MAP3K5: variants seen among roughly 807,000 people sequenced by gnomAD.
MAP3K5 encodes the protein ASK-1.
MAP3K5 carries 56 observed loss-of-function variants against 158.7 expected under a neutral mutation model. The ratio of observed to expected loss-of-function variants is 0.35; its 90% CI spans 0.28 to 0.44. The LOEUF (loss-of-function observed/expected upper bound fraction) is 0.44, where lower values mean the gene tolerates loss of function less well. MAP3K5 is among the 20% of genes least tolerant of loss of function. The pLI is 1.00. For missense variants in MAP3K5, 1,294 were observed against 1,674.8 expected, an observed-to-expected ratio of 0.77 and a Z score of 3.97; for synonymous variants, 579 against 601.7, an observed-to-expected ratio of 0.96 and a Z score of 0.55.
intron 20 of MAP3K5, 26 bp from the exon 21 acceptor site, chr6:136,601,068 T>C (rs760576243): frequency 3.1e-6 from 5 of 1,613,142 alleles, no homozygotes; most frequent in East Asian, 2.2e-5. Flanking sequence ...CAAACAGCCA[T>C]GAATAAGCAC....
At chr6:136,629,763 CTTCA>C (rs1554288617) in intron 14 of MAP3K5, among the ~76,000 whole-genome samples, 1 of 138,758 alleles carries the variant, frequency 7.2e-6, no homozygotes, top group Non-Finnish European at 1.5e-5. Context: ...CATATCTCAC[CTTCA>C]TTTATTTATT....
rs59095651 is a variant in MAP3K5, at chr6:136,642,096, T to A, written c.1838+424A>T. Among the ~76,000 whole-genome samples, 513 of 128,058 alleles carry A rather than the reference T, an allele frequency of 4.0e-3. 8 individuals are homozygous for A. The highest frequency in any genetic ancestry group is 6.7e-3 in the East Asian group (21 of 3,136). The allele number at this position is 128,058 out of a possible 152,430, so 84.0% of individuals were successfully genotyped here. A position where few individuals can be genotyped will look rare whatever the true frequency, so the allele number is the denominator to read the frequency against. On this transcript the variant is annotated intron_variant, in intron 12 of 29. Coordinates refer to ENST00000359015, the MANE Select transcript of MAP3K5 (RefSeq NM_005923.4). The stretch of plus-strand genomic sequence containing the variant: ...AAAATAAAATAAAATAAAATAAAAT[T>A]AGTGGCAGGACACAGTGTAGTAGAC...
rs1785087171 is a variant in MAP3K5, at chr6:136,791,771, G to A, written c.387C>T (p.Thr129=). The change falls in exon 1 of 30, where the codon ACC becomes ACT. Residue 129 remains threonine, a synonymous_variant. Transcript: ENST00000359015. ...CAAAGTCGAGTTTCCCAAAATGCAG[G>A]GTTTCCAGGGTGGCGCCCACTGTCT... ...ACETVGATLE[T]LHFGKLDFGE... The A allele has an allele frequency of 3.1e-6, 5 of 1,613,386 alleles. No homozygotes were observed. In the South Asian group the frequency reaches 5.5e-5, roughly 18 times the overall value.
At position 136,720,474 on chromosome 6, in the gene MAP3K5, G is replaced by C. The variant is rs747747809; in HGVS notation, c.564C>G (p.Asn188Lys). The C allele has an allele frequency of 8.7e-6, 14 of 1,610,840 alleles. No individual in the cohort carries two copies. In the African/African-American group the frequency reaches 1.7e-4, roughly 20 times the overall value. ...CCTTCAGTGACTGCAGAGAGTCCGA[G>C]TTAGTATCACAGTAGAGGATGATGT... ...ANNIILYCDTNSDSLQSLKEI... is the reference protein window; with the variant it reads ...ANNIILYCDTKSDSLQSLKEI... The change falls in exon 2 of 30, where the codon AAC becomes AAG. Residue 188 changes from asparagine (N) to lysine (K), a missense_variant. Around this residue, in one of 5 missense-constraint regions of MAP3K5, gnomAD observed 690 missense variants for 870.5 expected, o/e 0.79. Coordinates refer to ENST00000359015, the MANE Select transcript of MAP3K5 (RefSeq NM_005923.4).
chr6:136,580,232 A>G (rs1256307281), intron 25 of MAP3K5, 69 bp downstream of exon 25: 1 of 1,056,336 alleles, frequency 9.5e-7, no homozygotes, highest in Non-Finnish European at 1.5e-6. Flanking sequence ...GATATCAGAA[A>G]TAACAGATGA....
chr6:136,785,933 T>C (rs1784825705), intron 1 of MAP3K5, among the ~76,000 whole-genome samples: 1 of 152,218 alleles, frequency 6.6e-6, no homozygotes, highest in African/African-American at 2.4e-5. Context: ...TCCCAGAATC[T>C]GACCACCATG....
chr6:136,679,016 G>A (rs1301235787), intron 7 of MAP3K5, among the ~76,000 whole-genome samples: 2 of 151,800 alleles, frequency 1.3e-5, no homozygotes, highest in Non-Finnish European at 2.9e-5. Context: ...ATGAGCCACT[G>A]CACCCAGCCA....
In MAP3K5 at chr6:136,731,145, G is replaced by A. The variant is rs72981672; in HGVS notation, c.449-10556C>T. 4.9e-4 allele frequency among the ~76,000 whole-genome samples: 74 copies of A among 152,296 alleles called. 2 individuals carry two copies. In the South Asian group the frequency reaches 0.015, roughly 32 times the overall value. On this transcript the variant is annotated intron_variant, in intron 1 of 29. Transcript: ENST00000359015. ...AGAGGATGGGCCATGGCTAAAGGGG[G>A]CTTGAAGGGGTCTTCTGGGGTGCTG...
Position 136,656,451 on chromosome 6 carries a change from C to T in MAP3K5, c.1536G>A (p.Lys512=), listed in dbSNP as rs1190207303. 6.4e-7 allele frequency: 1 copy of T among 1,569,514 alleles called. No individual in the cohort carries two copies. The highest frequency in any genetic ancestry group is 2.0e-5 in the Admixed American group (1 of 50,924). Residue 512 remains lysine (K), a synonymous_variant, in exon 10 of 30, where the codon AAG becomes AAA. Transcript: ENST00000359015. ...ATATTAAAATTGTCTCTACAATAGACTTGAGGTACCTGAGAAGGAAAAGAT... is the reference window on the plus strand; with the variant it reads ...ATATTAAAATTGTCTCTACAATAGATTTGAGGTACCTGAGAAGGAAAAGAT... ...FKLKTPAWYL[K]SIVETILIYK... is the part of the protein sequence containing the mutation.
chr6:136,586,157 T>G (rs949926761), intron 23 of MAP3K5, among the ~76,000 whole-genome samples: 2 of 152,232 alleles, frequency 1.3e-5, no homozygotes, highest in Non-Finnish European at 2.9e-5. Flanking sequence ...CATTATAAAC[T>G]TTGTTGGTTT....
intron 7 of MAP3K5, among the ~76,000 whole-genome samples, chr6:136,680,744 G>T (rs530379092): frequency 6.6e-6 from 1 of 152,272 alleles, no homozygotes; most frequent in African/African-American, 2.4e-5. Flanking sequence ...GCTCAAATTT[G>T]ATTACTCTTA....
chr6:136,647,938 T>C (rs1157917365), intron 11 of MAP3K5: 2 of 152,256 alleles, frequency 1.3e-5, no homozygotes, highest in Non-Finnish European at 2.9e-5. Flanking sequence ...AAAAGAACGC[T>C]GGTAGATTGA....
chr6:136,781,251 A>G (rs1784601780), intron 1 of MAP3K5, among the ~76,000 whole-genome samples: 1 of 152,190 alleles, frequency 6.6e-6, no homozygotes, highest in African/African-American at 2.4e-5. Flanking sequence ...AAGAAAGCCC[A>G]ACTTACAACT....
chr6:136,591,940 G>C (rs1775405303), intron 23 of MAP3K5, among the ~76,000 whole-genome samples: 1 of 152,178 alleles, frequency 6.6e-6, no homozygotes, highest in South Asian at 2.1e-4. Context: ...ATTTGCTTCT[G>C]ACTTAAAAAT....
chr6:136,749,341 C>A (rs1052281118), intron 1 of MAP3K5, among the ~76,000 whole-genome samples: 22 of 151,302 alleles, frequency 1.5e-4, no homozygotes, highest in African/African-American at 5.1e-4. Context: ...CTACTGCACT[C>A]CAGCCTGGGC....
At chr6:136,558,991 C>A (rs1396397280) in intron 28 of MAP3K5, 115 bp from the exon 29 acceptor site, 1 of 640,620 alleles carries the variant, frequency 1.6e-6, no homozygotes, top group Non-Finnish European at 2.8e-6. Context: ...AAAATGAAAT[C>A]TACTAAAAAC....
intron 26 of MAP3K5, among the ~76,000 whole-genome samples, chr6:136,563,949 G>A (rs916853518): frequency 1.3e-5 from 2 of 152,092 alleles, no homozygotes; most frequent in African/African-American, 4.8e-5. Flanking sequence ...AGGCAGCATC[G>A]TGCAACTGAC....
chr6:136,701,262 T>A (rs1238748528), intron 3 of MAP3K5, among the ~76,000 whole-genome samples: 2 of 152,222 alleles, frequency 1.3e-5, no homozygotes, highest in African/African-American at 2.4e-5. Context: ...GAACTCTGTA[T>A]GAGCCAAATG....
chr6:136,756,690 C>A (rs1783505405), intron 1 of MAP3K5, among the ~76,000 whole-genome samples: 1 of 152,148 alleles, frequency 6.6e-6, no homozygotes, highest in Non-Finnish European at 1.5e-5. Flanking sequence ...GCCTGAAGGT[C>A]ATACTATTGG....
Sources: gnomAD v4.1 joint callset for allele counts (sites outside exome capture counted in the v4.1 genomes callset) on GRCh38, gnomAD v4.1.1 for gene constraint, gnomAD v4.1.1 regional missense constraint, MANE v1.5 for transcripts, NCBI Gene and HGNC (gene_info 2026-07-23, HGNC 2026-07-21) for gene names.